UBQLN4: variants seen among roughly 807,000 people sequenced by gnomAD.
UBQLN4 encodes ubiquilin-4.
A neutral mutation model predicts 60.4 loss-of-function variants in UBQLN4; 11 were observed. The ratio of observed to expected loss-of-function variants is 0.18; its 90% CI spans 0.11 to 0.30. UBQLN4 has a LOEUF of 0.30. UBQLN4 is among the 10% of genes least tolerant of loss of function. The probability of loss-of-function intolerance (pLI) is 1.00; values close to 1 mark genes in which losing one functional copy is unlikely to be tolerated. For missense variants in UBQLN4, 417 were observed against 795.5 expected (o/e 0.52, Z 5.72); for synonymous variants, 258 against 313.1 (o/e 0.82, Z 1.86).
At position 156,050,246 on chromosome 1, in the gene UBQLN4, G is replaced by C. The variant is rs1683833223; in HGVS notation, c.741+45C>G. On this transcript the variant is annotated intron_variant, in intron 4 of 10. Transcript: ENST00000368309. This position sits in a 1 kb window ranked among gnomAD's most constrained non-coding sequence, Gnocchi z 4.6. ...AGTAGGAAAGGCTGGGCAGGGCACG[G>C]CTGGGCACCAGTGTCCTCCAGCTCT... 6.6e-7 allele frequency: 1 copy of C among 1,517,164 alleles called. No homozygotes were observed. The highest frequency in any genetic ancestry group is 1.3e-5 in the South Asian group (1 of 75,428). The allele number at this position is 1,517,164 out of a possible 1,614,324, so 94.0% of individuals were successfully genotyped here.
Position 156,048,071 on chromosome 1 carries a change from G to A in UBQLN4, c.900+430C>T, listed in dbSNP as rs924392457. 3.3e-5 allele frequency among the ~76,000 whole-genome samples: 5 copies of A among 152,004 alleles called. No individual in the cohort carries two copies. Among genetic ancestry groups the A allele is most frequent in the African/African-American group, 1.2e-4 (5 of 41,388 alleles). ...ATTTTTAAAAGTGTATAATCCTGGG[G>A]CCCAACCCCAGAAATGGATTCAATA... On this transcript the variant is annotated intron_variant, in intron 5 of 10. Coordinates refer to ENST00000368309, the MANE Select transcript of UBQLN4 (RefSeq NM_020131.5). The surrounding 1 kb of genome is among the most constrained non-coding windows in gnomAD (Gnocchi z 4.9).
chr1:156,034,221 G>GTAA (rs1683343278), downstream of UBQLN4, among the ~76,000 whole-genome samples: 2 of 150,924 alleles, frequency 1.3e-5, no homozygotes, highest in African/African-American at 4.9e-5. Context: ...GTAATGCCAG[G>GTAA]TTTAGTCTGA....
At chr1:156,046,059 T>TG (rs1418315448) in intron 5 of UBQLN4, among the ~76,000 whole-genome samples, 1 of 150,730 alleles carries the variant, frequency 6.6e-6, no homozygotes, top group South Asian at 2.2e-4. Context: ...TTGGCCAGGC[T>TG]GGTCTCAAAC....
downstream of UBQLN4, among the ~76,000 whole-genome samples, chr1:156,034,612 C>T (rs924193133): frequency 6.6e-6 from 1 of 150,894 alleles, no homozygotes; most frequent in Non-Finnish European, 1.5e-5. Flanking sequence ...TACTTTTTAA[C>T]CTAAGGTAAG....
chr1:156,050,535 A>G lies in UBQLN4; in HGVS notation c.497T>C (p.Leu166Pro). Residue 166 changes from leucine to proline, a missense_variant, in exon 4 of 11, where the codon CTG (leucine) becomes CCG (proline). By Grantham distance (98) the Leu-to-Pro change is moderately conservative. Coordinates refer to ENST00000368309, the MANE Select transcript of UBQLN4 (RefSeq NM_020131.5). This position sits in a 1 kb window ranked among gnomAD's most constrained non-coding sequence, Gnocchi z 4.6. ...ASILSGFGGILGLGSLGLGSA... is the reference protein window; with the variant it reads ...ASILSGFGGIPGLGSLGLGSA... ...GCCCAGGCCTAGGCTGCCCAGCCCC[A>G]GGATGCCCCCAAAGCCAGCTGTGGG... 1.9e-6 allele frequency: 3 copies of G among 1,611,732 alleles called. No homozygotes were observed. Among genetic ancestry groups the G allele is most frequent in the Non-Finnish European group, 2.5e-6 (3 of 1,178,532 alleles).
chr1:156,051,150 C>G lies in UBQLN4; in HGVS notation c.438G>C (p.Gly146=), dbSNP rs768065067. ...TAGCACTGGGGGATCCCTCCCCAGCCCCCGGAGAGGGCCCCCCACCACTGC... is the reference window on the plus strand; with the variant it reads ...TAGCACTGGGGGATCCCTCCCCAGCGCCCGGAGAGGGCCCCCCACCACTGC... ...RRSSGGGPSP[G]AGEGSPSATA... The change falls in exon 3 of 11, where the codon GGG becomes GGC. Residue 146 remains glycine, a synonymous_variant. Transcript: ENST00000368309. 20 of 1,612,646 alleles carry G rather than the reference C, an allele frequency of 1.2e-5. No homozygotes were observed. The South Asian group carries it at 2.2e-4, about 18-fold the overall frequency.
downstream of UBQLN4, among the ~76,000 whole-genome samples, chr1:156,034,362 A>G (rs2102734900): frequency 6.8e-6 from 1 of 146,776 alleles, no homozygotes; most frequent in East Asian, 2.0e-4. Flanking sequence ...GCGTGGCACA[A>G]TCTAGGCTCA....
chr1:156,032,685 G>A (rs940685244), downstream of UBQLN4, among the ~76,000 whole-genome samples: 2 of 152,088 alleles, frequency 1.3e-5, no homozygotes, highest in African/African-American at 4.8e-5. Context: ...AGAGATGGGC[G>A]CTTGGTTTAG....
chr1:156,048,445 G>A lies in UBQLN4; in HGVS notation c.900+56C>T. The A allele has an allele frequency of 6.4e-7, 1 of 1,555,720 alleles. No individual in the cohort carries two copies. The highest frequency in any genetic ancestry group is 8.8e-7 in the Non-Finnish European group (1 of 1,142,510). On this transcript the variant is annotated intron_variant, in intron 5 of 10. Transcript: ENST00000368309. This position sits in a 1 kb window ranked among gnomAD's most constrained non-coding sequence, Gnocchi z 4.9. ...CAGGCCCAGGTTTGCCTGGGGTGGG[G>A]GTAGGGAATCTCGAGCCCAGACAGC...
intron 5 of UBQLN4, among the ~76,000 whole-genome samples, chr1:156,047,981 C>CA (rs911535666): frequency 1.8e-4 from 27 of 148,230 alleles, no homozygotes; most frequent in Middle Eastern, 3.5e-3. Flanking sequence ...TGATTAAAAA[C>CA]AAAAAAAAAG....
chr1:156,033,174 G>A, downstream of UBQLN4: 1 of 978,652 alleles, frequency 1.0e-6, no homozygotes, highest in Non-Finnish European at 1.2e-6. Flanking sequence ...GGAAAACAAG[G>A]CATCCGACTC....
In UBQLN4 at chr1:156,041,552, G is replaced by A; in HGVS notation, c.1586C>T (p.Ala529Val). The A allele has an allele frequency of 6.2e-7, 1 of 1,613,180 alleles. No homozygotes were observed. Among genetic ancestry groups the A allele is most frequent in the Middle Eastern group, 1.8e-4 (1 of 5,658 alleles). The change falls in exon 10 of 11, where the codon GCT becomes GTT. Residue 529 changes from alanine to valine, a missense_variant. Coordinates refer to ENST00000368309, the MANE Select transcript of UBQLN4 (RefSeq NM_020131.5). ...ATPATSSPTG[A>V]SSAQQQLMQQ... is the part of the protein sequence containing the mutation. ...CATGAGTTGCTGCTGGGCGCTGGAA[G>A]CCCCTGTTGGAGAAGATGTGGCTGG...
In UBQLN4 at chr1:156,035,677, C is replaced by G. The variant is rs1683380636; in HGVS notation, c.*1301G>C. ...AAAACCCTCTACTATTCCCACAAGG[C>G]AGTGAGGGGTGATAAGGGTGCTAGT... On this transcript the variant is annotated 3_prime_UTR_variant, in exon 11 of 11. Transcript: ENST00000368309. 1.0e-6 allele frequency: 1 copy of G among 984,150 alleles called. No homozygotes were observed. Among genetic ancestry groups the G allele is most frequent in the African/African-American group, 1.8e-5 (1 of 57,092 alleles). The allele number at this position is 984,150 out of a possible 1,614,324, so 61.0% of individuals were successfully genotyped here. A position where few individuals can be genotyped will look rare whatever the true frequency, so the allele number is the denominator to read the frequency against.
Position 156,051,273 on chromosome 1 carries a change from G to A in UBQLN4, c.315C>T (p.Ala105=). 1.3e-6 allele frequency: 2 copies of A among 1,571,116 alleles called. No homozygotes were observed. Among genetic ancestry groups the A allele is most frequent in the South Asian group, 1.2e-5 (1 of 86,384 alleles). Residue 105 remains alanine, a synonymous_variant, in exon 3 of 11, where the codon GCC becomes GCT. Transcript: ENST00000368309. ...TASSPSTPDP[A]SAPSTTPASP... is the part of the protein sequence containing the mutation. ...AAGCAGGCGTGGTGGAGGGTGCTGA[G>A]GCAGGGTCAGGTGTGGAGGGGGAAG...
rs1216673118 is a variant in UBQLN4, at chr1:156,041,663, G to C, written c.1475C>G (p.Ser492Cys). ...EAPGLVPSLG[S>C]FGISRTPAPS... Reference sequence around the variant, plus strand: ...TGCTGGGGTCCGGGATATCCCAAAGGAGCCAAGGCTGTAGGCAAGAGAGAC... The same window carrying C: ...TGCTGGGGTCCGGGATATCCCAAAGCAGCCAAGGCTGTAGGCAAGAGAGAC... The change falls in exon 10 of 11, where the codon TCC (serine) becomes TGC (cysteine). Residue 492 changes from serine to cysteine, a missense_variant. By Grantham distance (112) the Ser-to-Cys change is moderately radical. Transcript: ENST00000368309. The C allele has an allele frequency of 1.9e-6, 3 of 1,555,054 alleles. No homozygotes were observed. Among genetic ancestry groups the C allele is most frequent in the Non-Finnish European group, 1.7e-6 (2 of 1,150,874 alleles).
At position 156,037,007 on chromosome 1, in the gene UBQLN4, C is replaced by T. The variant is rs1460691589; in HGVS notation, c.1777G>A (p.Glu593Lys). The change falls in exon 11 of 11, where the codon GAG becomes AAG. Residue 593 changes from glutamate (E) to lysine (K), a missense_variant. Transcript: ENST00000368309. ...ATGGDINAAI[E>K]RLLGSQLS ...GAGAGCTGGGAGCCCAGCAGTCTCT[C>T]GATAGCTGCGTTGATGTCCCCTCCT... is the stretch of plus-strand genomic sequence containing the variant. 6.2e-7 allele frequency: 1 copy of T among 1,614,108 alleles called. No individual in the cohort carries two copies. Among genetic ancestry groups the T allele is most frequent in the Non-Finnish European group, 8.5e-7 (1 of 1,180,006 alleles).
At chr1:156,046,829 G>A (rs1683716751) in intron 5 of UBQLN4, among the ~76,000 whole-genome samples, 1 of 152,182 alleles carries the variant, frequency 6.6e-6, no homozygotes, top group African/African-American at 2.4e-5. Context: ...GCGAAACAGT[G>A]AGACTCTGTC....
In UBQLN4 at chr1:156,036,249, C is replaced by T; in HGVS notation, c.*729G>A. The T allele has an allele frequency of 2.0e-6, 2 of 985,624 alleles. No homozygotes were observed. The highest frequency in any genetic ancestry group is 9.4e-5 in the South Asian group (2 of 21,292). 61.1% of individuals were successfully genotyped at this position (985,624 alleles called of 1,614,324 possible). On this transcript the variant is annotated 3_prime_UTR_variant, in exon 11 of 11. Coordinates refer to ENST00000368309, the MANE Select transcript of UBQLN4 (RefSeq NM_020131.5). ...AATTCCAACTTCCAAGCCTTTTACT[C>T]AGGCTGTCTCCCCCATTCCCTTCCT...
intron 5 of UBQLN4, among the ~76,000 whole-genome samples, chr1:156,045,844 T>C (rs79669448): frequency 0.011 from 1,655 of 152,316 alleles, 12 homozygotes; most frequent in Non-Finnish European, 0.017. Context: ...TATGTTAACT[T>C]GTAATAATTT....
Sources: gnomAD v4.1 joint callset for allele counts (sites outside exome capture counted in the v4.1 genomes callset) on GRCh38, gnomAD v4.1.1 for gene constraint, Gnocchi (gnomAD v3.1) non-coding constraint, MANE v1.5 for transcripts, NCBI Gene and HGNC (gene_info 2026-07-23, HGNC 2026-07-21) for gene names.